Variants in WWC1 observed in about 807,000 individuals in gnomAD.
WWC1 encodes the protein WW and C2 domain containing 1.
WWC1 carries 55 observed loss-of-function variants against 138.4 expected under a neutral mutation model. The ratio of observed to expected loss-of-function variants is 0.40; its 90% CI spans 0.32 to 0.50. The LOEUF (loss-of-function observed/expected upper bound fraction) is 0.50. Among genes scored for constraint, WWC1 ranks in the 20% least tolerant of loss-of-function variants. The pLI is 0.72. For synonymous variants in WWC1, 524 were observed against 564.9 expected, an observed-to-expected ratio of 0.93 and a Z score of 1.03; for missense variants, 1,226 against 1,420.4, an observed-to-expected ratio of 0.86 and a Z score of 2.20.
chr5:168,361,161 C>T (rs1775851097), intron 1 of WWC1, among the ~76,000 whole-genome samples: 1 of 152,078 alleles, frequency 6.6e-6, no homozygotes, highest in African/African-American at 2.4e-5. Context: ...GAGGCTCAGA[C>T]CTGGGGGAAG....
At chr5:168,449,503 G>A (rs1755598729) in intron 17 of WWC1, among the ~76,000 whole-genome samples, 1 of 151,246 alleles carries the variant, frequency 6.6e-6, no homozygotes, top group African/African-American at 2.4e-5. Flanking sequence ...ACTGGTCAAT[G>A]TGGCTTCTAC....
At chr5:168,427,974 G>A in intron 11 of WWC1, 59 bp from the exon 12 acceptor site, 1 of 1,446,410 alleles carries the variant, frequency 6.9e-7, no homozygotes, top group Non-Finnish European at 9.7e-7. Flanking sequence ...AAACAAAATT[G>A]GGAGTCGCAA....
intron 20 of WWC1, among the ~76,000 whole-genome samples, chr5:168,461,260 A>G (rs1756783652): frequency 6.6e-6 from 1 of 151,368 alleles, no homozygotes; most frequent in Admixed American, 6.6e-5. Context: ...TAAACGCAGG[A>G]GGCAGAGGTT....
chr5:168,388,738 G>C (rs540890187), intron 3 of WWC1, among the ~76,000 whole-genome samples: 1 of 152,048 alleles, frequency 6.6e-6, no homozygotes, highest in East Asian at 1.9e-4. Flanking sequence ...GCTGAGGCAG[G>C]AGAATTGCCT....
intron 1 of WWC1, among the ~76,000 whole-genome samples, chr5:168,326,453 G>A (rs1223028970): frequency 6.6e-6 from 1 of 152,038 alleles, no homozygotes; most frequent in Admixed American, 6.5e-5. Flanking sequence ...CCCACCTCAG[G>A]TGATCCGCCC....
chr5:168,370,661 G>C (rs1268988783), intron 1 of WWC1, among the ~76,000 whole-genome samples: 1 of 152,202 alleles, frequency 6.6e-6, no homozygotes, highest in East Asian at 1.9e-4. Flanking sequence ...TTAAATACTT[G>C]ACAAATTGTT....
intron 1 of WWC1, among the ~76,000 whole-genome samples, chr5:168,359,036 GTGTGTGT>G (rs1561655005): frequency 1.2e-4 from 2 of 16,884 alleles, no homozygotes; most frequent in Non-Finnish European, 1.7e-4. Context: ...GTGGTGGGGT[GTGTGTGT>G]GTGTGTGTGT....
intron 1 of WWC1, among the ~76,000 whole-genome samples, chr5:168,306,089 A>G (rs1366957999): frequency 2.0e-5 from 3 of 152,176 alleles, no homozygotes; most frequent in Non-Finnish European, 2.9e-5. Flanking sequence ...TAGTTGCAGG[A>G]GGTGGAGAAG....
In WWC1 at chr5:168,340,538, T is replaced by C. The variant is rs140799471; in HGVS notation, c.120-30886T>C. On this transcript the variant is annotated intron_variant, in intron 1 of 22. Coordinates refer to ENST00000265293, the MANE Select transcript of WWC1 (RefSeq NM_015238.3). Reference sequence around the variant, plus strand: ...CAACCACTAATATACTTTCTGCCTCTATAATTTTGCCTATCCTGGACATTT... The same window carrying C: ...CAACCACTAATATACTTTCTGCCTCCATAATTTTGCCTATCCTGGACATTT... Among the ~76,000 whole-genome samples, 5 of 151,930 alleles carry C rather than the reference T, an allele frequency of 3.3e-5. No homozygotes were observed. In the South Asian group the frequency reaches 8.4e-4, roughly 25 times the overall value.
intron 1 of WWC1, among the ~76,000 whole-genome samples, chr5:168,330,548 C>T (rs1028151708): frequency 1.3e-5 from 2 of 152,124 alleles, no homozygotes; most frequent in African/African-American, 4.8e-5. Context: ...TTCTATGCAC[C>T]CACCATGTAT....
At chr5:168,404,538 T>G (rs1779636474) in intron 5 of WWC1, among the ~76,000 whole-genome samples, 1 of 152,194 alleles carries the variant, frequency 6.6e-6, no homozygotes, top group African/African-American at 2.4e-5. Flanking sequence ...CTCCTCTGCT[T>G]GGAGGCGCAG....
At chr5:168,414,137 C>T (rs923794795) in intron 8 of WWC1, 4 of 611,236 alleles carry the variant, frequency 6.5e-6, no homozygotes, top group African/African-American at 1.9e-5. Flanking sequence ...TGTCTGCACC[C>T]CATTCCTGCA....
At chr5:168,318,551 T>C (rs1286297563) in intron 1 of WWC1, among the ~76,000 whole-genome samples, 1 of 150,340 alleles carries the variant, frequency 6.7e-6, no homozygotes, top group African/African-American at 2.5e-5. Flanking sequence ...TCATTTTTTG[T>C]GACTGGCTAT....
At chr5:168,422,620 AG>A (rs1193964823) in intron 10 of WWC1, among the ~76,000 whole-genome samples, 3 of 152,062 alleles carry the variant, frequency 2.0e-5, no homozygotes, top group African/African-American at 7.2e-5. Flanking sequence ...GTCTCCAAAA[AG>A]AAAAAAAAAG....
At chr5:168,424,163 A>G (rs4976606) in intron 11 of WWC1, 95 bp downstream of exon 11, 682,442 of 1,422,574 alleles carry the variant, frequency 0.48, 173,160 homozygotes, top group East Asian at 1. Context: ...GTCGATATTT[A>G]CTGACTGCTT....
chr5:168,410,704 G>A (rs1283446739), intron 8 of WWC1, among the ~76,000 whole-genome samples: 2 of 151,476 alleles, frequency 1.3e-5, no homozygotes, highest in Admixed American at 6.6e-5. Context: ...ACCCTTGGCT[G>A]AGATTGTTTA....
Position 168,431,402 on chromosome 5 carries a change from C to G in WWC1, c.2238C>G (p.Val746=). ...CCCTTCACCAGAAGACCTTAAGAGT[C>G]GATGTCTGTACCACCGACAGGAGCC... ...YPALHQKTLR[V]DVCTTDRSHL... Residue 746 remains valine, a synonymous_variant, in exon 15 of 23, where the codon GTC becomes GTG. Coordinates refer to ENST00000265293, the MANE Select transcript of WWC1 (RefSeq NM_015238.3). 6.2e-7 allele frequency: 1 copy of G among 1,613,706 alleles called. No individual in the cohort carries two copies. The highest frequency in any genetic ancestry group is 8.5e-7 in the Non-Finnish European group (1 of 1,179,968).
At chr5:168,293,227 C>A (rs936605117) in intron 1 of WWC1, among the ~76,000 whole-genome samples, 2 of 152,192 alleles carry the variant, frequency 1.3e-5, no homozygotes, top group Non-Finnish European at 2.9e-5. Flanking sequence ...TTCACCCTCT[C>A]CATGTATGTC....
chr5:168,427,065 G>A lies in WWC1; in HGVS notation c.1811-968G>A, dbSNP rs185049329. ...GAAGAGGAGGAGCTGAATTCGGAGT[G>A]GAAAGGGATAGGCAGTGGAAGAACG... On this transcript the variant is annotated intron_variant, in intron 11 of 22. Transcript: ENST00000265293. 1.4e-4 allele frequency among the ~76,000 whole-genome samples: 21 copies of A among 152,310 alleles called. No homozygotes were observed. The East Asian group carries it at 3.9e-3, about 28-fold the overall frequency.
Sources: gnomAD v4.1 joint callset for allele counts (sites outside exome capture counted in the v4.1 genomes callset) on GRCh38, gnomAD v4.1.1 for gene constraint, MANE v1.5 for transcripts, NCBI Gene and HGNC (gene_info 2026-07-23, HGNC 2026-07-21) for gene names.